The following BANK1 variants were observed in gnomAD, a reference collection of about 807,000 sequenced individuals.
BANK1 encodes the protein B-cell scaffold protein with ankyrin repeats.
A neutral mutation model predicts 94.5 loss-of-function variants in BANK1; 95 were observed. That is an observed-to-expected ratio of 1.00 (90% CI 0.85 to 1.19). The LOEUF (loss-of-function observed/expected upper bound fraction) is 1.19, where lower values mean the gene tolerates loss of function less well. Among genes scored for constraint, BANK1 ranks in the 50% most tolerant of loss-of-function variants. BANK1 has a pLI of 0.00. For synonymous variants in BANK1, 334 were observed against 308.4 expected (o/e 1.08, Z -0.87); for missense variants, 987 against 932.2 (o/e 1.06, Z -0.77).
At chr4:101,960,212 G>A (rs1010931917) in intron 7 of BANK1, among the ~76,000 whole-genome samples, 1 of 152,064 alleles carries the variant, frequency 6.6e-6, no homozygotes. Flanking sequence ...GGACCCCTGG[G>A]TGCACAGCAC....
At chr4:102,030,381 T>G in intron 10 of BANK1, 116 bp downstream of exon 10, 1 of 1,075,220 alleles carries the variant, frequency 9.3e-7, no homozygotes, top group Non-Finnish European at 1.3e-6. Context: ...AGTAAACATT[T>G]TTTTTCAAGT....
At chr4:101,996,070 T>C (rs186658850) in intron 7 of BANK1, among the ~76,000 whole-genome samples, 3 of 149,524 alleles carry the variant, frequency 2.0e-5, no homozygotes, top group Non-Finnish European at 4.5e-5. Flanking sequence ...TGGGGTTACA[T>C]TTAAGTCTTT....
At chr4:102,059,748 T>A (rs1316602311) in intron 11 of BANK1, among the ~76,000 whole-genome samples, 4 of 152,240 alleles carry the variant, frequency 2.6e-5, no homozygotes, top group Admixed American at 2.6e-4. Context: ...TCCTAAGCCT[T>A]TTGTGACATT....
intron 7 of BANK1, among the ~76,000 whole-genome samples, chr4:101,993,077 C>A (rs1470273166): frequency 1.3e-5 from 2 of 152,158 alleles, no homozygotes; most frequent in East Asian, 3.8e-4. Flanking sequence ...AGTTGGCTCT[C>A]ATGGAGACCA....
chr4:101,797,928 G>T (rs1725214435), intron 1 of BANK1, among the ~76,000 whole-genome samples: 2 of 152,144 alleles, frequency 1.3e-5, no homozygotes, highest in South Asian at 4.2e-4. Context: ...GGTGACTCAG[G>T]ATAGAGACCT....
chr4:102,025,522 T>G lies in BANK1; in HGVS notation c.1594+13T>G. Reference sequence around the variant, plus strand: ...TTCACCTTACCAGGTAAGTTTAAGGTTAGAAAAAAACAAAACAAAACAAAG... The same window carrying G: ...TTCACCTTACCAGGTAAGTTTAAGGGTAGAAAAAAACAAAACAAAACAAAG... On this transcript the variant is annotated intron_variant, in intron 9 of 16. Coordinates refer to ENST00000322953, the MANE Select transcript of BANK1 (RefSeq NM_017935.5). 6.2e-7 allele frequency: 1 copy of G among 1,609,272 alleles called. No homozygotes were observed. The highest frequency in any genetic ancestry group is 8.5e-7 in the Non-Finnish European group (1 of 1,178,136).
intron 12 of BANK1, among the ~76,000 whole-genome samples, chr4:102,061,202 T>C (rs1444030658): frequency 3.3e-5 from 5 of 152,212 alleles, no homozygotes; most frequent in African/African-American, 4.8e-5. Flanking sequence ...GAGATAATTT[T>C]TGTTTAAAAG....
intron 13 of BANK1, among the ~76,000 whole-genome samples, chr4:102,066,959 A>G (rs2148966392): frequency 6.6e-6 from 1 of 152,290 alleles, no homozygotes; most frequent in South Asian, 2.1e-4. Flanking sequence ...ATGTTTCCAA[A>G]ATTGTTACGT....
chr4:101,945,746 T>G (rs1723905824), intron 7 of BANK1, among the ~76,000 whole-genome samples: 1 of 151,946 alleles, frequency 6.6e-6, no homozygotes, highest in South Asian at 2.1e-4. Flanking sequence ...TCTCAGTACA[T>G]ATTTGCTAAA....
intron 10 of BANK1, among the ~76,000 whole-genome samples, chr4:102,037,283 C>A (rs1211238550): frequency 6.6e-6 from 1 of 152,148 alleles, no homozygotes; most frequent in Non-Finnish European, 1.5e-5. Context: ...AAAGAATTAT[C>A]CAGTCTAAAG....
intron 6 of BANK1, among the ~76,000 whole-genome samples, chr4:101,909,554 A>AC (rs1722587251): frequency 4.6e-5 from 7 of 151,828 alleles, no homozygotes; most frequent in African/African-American, 1.5e-4. Flanking sequence ...ACACACACAC[A>AC]AAAAAATGCC....
intron 7 of BANK1, among the ~76,000 whole-genome samples, chr4:101,998,792 CTTT>C (rs1432975473): frequency 6.6e-6 from 1 of 152,040 alleles, no homozygotes; most frequent in Non-Finnish European, 1.5e-5. Flanking sequence ...TTTAGCTGTT[CTTT>C]TTGCTATTTG....
In BANK1 at chr4:101,790,740, C is replaced by T; in HGVS notation, c.-141C>T. On this transcript the variant is annotated 5_prime_UTR_variant, in exon 1 of 17. Transcript: ENST00000322953. The stretch of plus-strand genomic sequence containing the variant: ...GGGGCTGCGTTTCCTGAGACCTGGC[C>T]GCAGCCTCCGCGGGTGGCAAGCGGG... 1 of 912,616 alleles carries T rather than the reference C, an allele frequency of 1.1e-6. No homozygotes were observed. The highest frequency in any genetic ancestry group is 1.7e-6 in the Non-Finnish European group (1 of 591,096). 56.5% of individuals were successfully genotyped at this position (912,616 alleles called of 1,614,324 possible).
intron 7 of BANK1, among the ~76,000 whole-genome samples, chr4:102,001,490 C>T (rs987362740): frequency 7.2e-5 from 11 of 152,154 alleles, no homozygotes; most frequent in Admixed American, 6.5e-4. Flanking sequence ...GTCCCAGCTG[C>T]TTGGGAGGCT....
In BANK1 at chr4:101,862,651, C is replaced by T. The variant is rs1401491681; in HGVS notation, c.750C>T (p.Cys250=). The change falls in exon 4 of 17, where the codon TGC becomes TGT. Residue 250 remains cysteine, a synonymous_variant. Transcript: ENST00000322953. ...CCCTTTGGAATAAGAAAGTCTGGTG[C>T]ATGAAAGCTTTAGGTAAGAATGTTT... The part of the protein sequence containing the change: ...RPALWNKKVW[C]MKALEFPAGS... 6.2e-7 allele frequency: 1 copy of T among 1,602,522 alleles called. No individual in the cohort carries two copies. Among genetic ancestry groups the T allele is most frequent in the Admixed American group, 1.7e-5 (1 of 57,830 alleles).
At chr4:101,869,861 A>T (rs2148880697) in intron 4 of BANK1, among the ~76,000 whole-genome samples, 1 of 152,100 alleles carries the variant, frequency 6.6e-6, no homozygotes, top group Admixed American at 6.6e-5. Context: ...AAAGTCCTAA[A>T]TTCTTATATA....
At chr4:101,867,369 G>A (rs1360283549) in intron 4 of BANK1, among the ~76,000 whole-genome samples, 2 of 151,816 alleles carry the variant, frequency 1.3e-5, no homozygotes, top group Admixed American at 1.3e-4. Context: ...GAAAAATGAA[G>A]GAGTTCATTA....
At position 101,912,928 on chromosome 4, in the gene BANK1, T is replaced by C. The variant is rs182420719; in HGVS notation, c.1010-5065T>C. Reference sequence around the variant, plus strand: ...AATTCCTTTTAAAATGCTGAAATAGTCCTTACTAATGAAGTAAAGTTTCCT... The same window carrying C: ...AATTCCTTTTAAAATGCTGAAATAGCCCTTACTAATGAAGTAAAGTTTCCT... On this transcript the variant is annotated intron_variant, in intron 6 of 16. Transcript: ENST00000322953. 2.8e-3 allele frequency among the ~76,000 whole-genome samples: 429 copies of C among 152,322 alleles called. 3 individuals carry two copies. Among genetic ancestry groups the C allele is most frequent in the Non-Finnish European group, 5.3e-3 (363 of 68,030 alleles).
At chr4:101,793,107 G>A (rs1725051705) in intron 1 of BANK1, among the ~76,000 whole-genome samples, 1 of 152,054 alleles carries the variant, frequency 6.6e-6, no homozygotes, top group South Asian at 2.1e-4. Flanking sequence ...GGATGCATCT[G>A]ATGAAACTTT....
Sources: gnomAD v4.1 joint callset for allele counts (sites outside exome capture counted in the v4.1 genomes callset) on GRCh38, gnomAD v4.1.1 for gene constraint, MANE v1.5 for transcripts, NCBI Gene and HGNC (gene_info 2026-07-23, HGNC 2026-07-21) for gene names.